The following CRACD variants were observed in gnomAD, a reference collection of about 807,000 sequenced individuals.
CRACD encodes the protein capping protein-inhibiting regulator of actin dynamics.
Under a neutral mutation model 106.8 loss-of-function variants are expected in CRACD, and 56 were observed. The observed-to-expected ratio is 0.52, with a 90% confidence interval of 0.42 to 0.66. CRACD has a LOEUF of 0.66. CRACD is among the 30% of genes least tolerant of loss of function. The pLI, the probability that CRACD is intolerant of heterozygous loss-of-function variation, is 0.00. For synonymous variants in CRACD, 754 were observed against 670.8 expected (o/e 1.12, Z -1.92); for missense variants, 1,730 against 1,623.2 (o/e 1.07, Z -1.13).
At chr4:56,310,265 G>A (rs1372947511) in intron 5 of CRACD, among the ~76,000 whole-genome samples, 2 of 152,150 alleles carry the variant, frequency 1.3e-5, no homozygotes, top group South Asian at 4.1e-4. Flanking sequence ...AGATGGGGGA[G>A]GTGTGGCTGG....
chr4:56,084,571 G>T (rs1733151743), intron 1 of CRACD, among the ~76,000 whole-genome samples: 1 of 152,152 alleles, frequency 6.6e-6, no homozygotes, highest in Non-Finnish European at 1.5e-5. Flanking sequence ...TATTGTTACA[G>T]TTGGGGTCAG....
At chr4:56,082,561 TG>T (rs1195995840) in intron 1 of CRACD, among the ~76,000 whole-genome samples, 5 of 152,118 alleles carry the variant, frequency 3.3e-5, no homozygotes, top group African/African-American at 1.2e-4. Context: ...GTGTATGTTT[TG>T]GGTTGATAGC....
chr4:56,115,134 T>G (rs1036658397), intron 1 of CRACD, among the ~76,000 whole-genome samples: 4 of 152,170 alleles, frequency 2.6e-5, no homozygotes, highest in African/African-American at 9.7e-5. Context: ...GGATCAGAGA[T>G]TCTTCCTTTT....
rs1255819737 is a variant in CRACD, at chr4:56,314,206, G to T, written c.704G>T (p.Cys235Phe). 2 of 1,610,364 alleles carry T rather than the reference G, an allele frequency of 1.2e-6. No homozygotes were observed. The highest frequency in any genetic ancestry group is 1.7e-6 in the Non-Finnish European group (2 of 1,178,366). Residue 235 changes from cysteine (C) to phenylalanine (F), a missense_variant, in exon 8 of 11, where the codon TGC (cysteine) becomes TTC (phenylalanine). Around this residue, in one of 5 missense-constraint regions of CRACD, gnomAD observed 1,620 missense variants for 1,481.6 expected, o/e 1.09. Coordinates refer to ENST00000682029, the MANE Select transcript of CRACD (RefSeq NM_001393381.1). This position sits in a 1 kb window ranked among gnomAD's most constrained non-coding sequence, Gnocchi z 4.4. ...TACTGGCGAGAACTGGAGGCCAAGT[G>T]CAAGCGGCAAAAGGCGGAAGCAGCC... ...EDYWRELEAKCKRQKAEAAEK... is the reference protein window; with the variant it reads ...EDYWRELEAKFKRQKAEAAEK...
chr4:56,324,663 A>G (rs4865086), intron 10 of CRACD, among the ~76,000 whole-genome samples: 4,367 of 152,308 alleles, frequency 0.029, 121 homozygotes, highest in Admixed American at 0.074. Flanking sequence ...CTCTGCCTAT[A>G]TTCTGACAAA....
chr4:56,323,512 A>G lies in CRACD; in HGVS notation c.3323A>G (p.Glu1108Gly). 1.9e-6 allele frequency: 3 copies of G among 1,606,286 alleles called. No homozygotes were observed. Among genetic ancestry groups the G allele is most frequent in the Non-Finnish European group, 2.5e-6 (3 of 1,177,964 alleles). Reference protein sequence around the residue: ...KGFREQQATREERKQAREAKQ... With the variant: ...KGFREQQATRGERKQAREAKQ... ...TTTCGGGAGCAGCAGGCGACGCGGG[A>G]GGAGAGAAAGCAAGCCAGAGAGGCC... The change falls in exon 9 of 11, where the codon GAG becomes GGG. Residue 1108 changes from glutamate to glycine, a missense_variant. Coordinates refer to ENST00000682029, the MANE Select transcript of CRACD (RefSeq NM_001393381.1).
intron 2 of CRACD, among the ~76,000 whole-genome samples, chr4:56,247,202 CCTT>C (rs1486771864): frequency 6.6e-6 from 1 of 152,264 alleles, no homozygotes; most frequent in Non-Finnish European, 1.5e-5. Context: ...TACAGCCTCT[CCTT>C]CTGCCATATA....
chr4:56,227,426 T>G lies in CRACD; in HGVS notation c.-188-44895T>G, dbSNP rs74426852. Among the ~76,000 whole-genome samples the G allele has an allele frequency of 5.4e-3, 820 of 152,318 alleles. 9 individuals are homozygous for G. The highest frequency in any genetic ancestry group is 0.019 in the African/African-American group (783 of 41,578). On this transcript the variant is annotated intron_variant, in intron 2 of 10. Transcript: ENST00000682029. ...TAAGTTAGAATGTTAAGTGATAAAG[T>G]CATACAACAACATATCATCAGTAAC... is the stretch of plus-strand genomic sequence containing the variant.
Position 56,316,496 on chromosome 4 carries a change from A to G in CRACD, c.2994A>G (p.Pro998=). Residue 998 remains proline (P), a synonymous_variant, in exon 8 of 11, where the codon CCA becomes CCG. Transcript: ENST00000682029. ...CTCGCCGAGCGGGGAGGCCGGACCC[A>G]GAGCCAAGTGAGCCGTCCAAGGAGG... ...LLSRRAGRPD[P]EPSEPSKEDQ... The G allele has an allele frequency of 6.2e-7, 1 of 1,613,838 alleles. No homozygotes were observed. Among genetic ancestry groups the G allele is most frequent in the South Asian group, 1.1e-5 (1 of 91,042 alleles).
intron 1 of CRACD, among the ~76,000 whole-genome samples, chr4:56,105,468 C>T (rs1733919975): frequency 6.6e-6 from 1 of 152,136 alleles, no homozygotes; most frequent in Admixed American, 6.6e-5. Context: ...CACTGTGCTC[C>T]AGCATGGGCA....
chr4:56,167,086 C>T lies in CRACD; in HGVS notation c.-335-12198C>T, dbSNP rs112843800. Among the ~76,000 whole-genome samples the T allele has an allele frequency of 1.6e-3, 245 of 152,202 alleles. 5 individuals carry two copies. The highest frequency in any genetic ancestry group is 5.5e-3 in the African/African-American group (229 of 41,540). The stretch of plus-strand genomic sequence containing the variant: ...GTGGGATTGTGGGTAATATTTTTCA[C>T]TTCTTGATTTTTCTTTTGTGATTAT... On this transcript the variant is annotated intron_variant, in intron 1 of 10. Coordinates refer to ENST00000682029, the MANE Select transcript of CRACD (RefSeq NM_001393381.1).
chr4:56,265,395 A>T (rs1403630965), intron 2 of CRACD, among the ~76,000 whole-genome samples: 3 of 119,670 alleles, frequency 2.5e-5, no homozygotes, highest in Non-Finnish European at 5.1e-5. Flanking sequence ...TCAGGGGTAT[A>T]GAGGAGGGGT....
intron 1 of CRACD, among the ~76,000 whole-genome samples, chr4:56,169,264 G>A (rs1431313275): frequency 6.6e-6 from 1 of 152,210 alleles, no homozygotes; most frequent in Non-Finnish European, 1.5e-5. Flanking sequence ...ATTCAAGACA[G>A]TTCCATATGG....
At chr4:56,155,861 A>G (rs895774855) in intron 1 of CRACD, among the ~76,000 whole-genome samples, 6 of 152,232 alleles carry the variant, frequency 3.9e-5, no homozygotes, top group African/African-American at 1.2e-4. Flanking sequence ...GGGCCTATCC[A>G]TTGATCTCTA....
chr4:56,214,681 C>CTCTCTCTCTCTATATATATA lies in CRACD; in HGVS notation c.-189+35252_-189+35253insCTCTCTCTCTATATATATAT. 5.0e-3 allele frequency among the ~76,000 whole-genome samples: 401 copies of CTCTCTCTCTCTATATATATA among 80,958 alleles called. 7 individuals carry two copies. Among genetic ancestry groups the CTCTCTCTCTCTATATATATA allele is most frequent in the African/African-American group, 0.016 (373 of 23,454 alleles). The allele number at this position is 80,958 out of a possible 152,430, so 53.1% of individuals were successfully genotyped here. On this transcript the variant is annotated intron_variant, in intron 2 of 10. Coordinates refer to ENST00000682029, the MANE Select transcript of CRACD (RefSeq NM_001393381.1). ...TCTCTCTCTCTCTCTCTCTCTCTCT[C>CTCTCTCTCTCTATATATATA]TATATATATATATATCAAACAGTTA...
chr4:56,281,813 A>G (rs1473356178), intron 3 of CRACD, among the ~76,000 whole-genome samples: 1 of 152,172 alleles, frequency 6.6e-6, no homozygotes, highest in Non-Finnish European at 1.5e-5. Flanking sequence ...CGTTTGTCTT[A>G]GGTGGTGTCT....
chr4:56,288,252 T>C (rs908876809), intron 3 of CRACD, among the ~76,000 whole-genome samples: 1 of 152,196 alleles, frequency 6.6e-6, no homozygotes, highest in African/African-American at 2.4e-5. Context: ...ATTCCATTTT[T>C]ATTTCAGATT....
At chr4:56,160,615 G>A (rs1008026700) in intron 1 of CRACD, among the ~76,000 whole-genome samples, 2 of 152,252 alleles carry the variant, frequency 1.3e-5, no homozygotes, top group Non-Finnish European at 2.9e-5. Context: ...ACTGAATGCA[G>A]GTTTGACTTG....
Position 56,282,558 on chromosome 4 carries a change from C to A in CRACD, c.-17+10066C>A, listed in dbSNP as rs148208578. Among the ~76,000 whole-genome samples the A allele has an allele frequency of 6.4e-3, 981 of 152,268 alleles. 15 individuals carry two copies. Among genetic ancestry groups the A allele is most frequent in the African/African-American group, 0.022 (926 of 41,564 alleles). ...GGAATGAAGTATATTGTCTGATGGA[C>A]CAGAAAGTCTGGAAGACTTTCCAAG... On this transcript the variant is annotated intron_variant, in intron 3 of 10. Coordinates refer to ENST00000682029, the MANE Select transcript of CRACD (RefSeq NM_001393381.1).
Sources: allele counts gnomAD v4.1 joint callset (sites outside exome capture counted in the v4.1 genomes callset), GRCh38; gene constraint gnomAD v4.1.1; regional missense constraint gnomAD v4.1.1; non-coding constraint Gnocchi (gnomAD v3.1); transcripts MANE v1.5; gene names NCBI Gene and HGNC (gene_info 2026-07-23, HGNC 2026-07-21).